RNF213: variants seen among roughly 807,000 people sequenced by gnomAD.
The protein encoded by RNF213 is E3 ubiquitin-protein ligase RNF213.
RNF213 carries 341 observed loss-of-function variants against 514.4 expected under a neutral mutation model. The observed-to-expected ratio is 0.66, with a 90% CI of 0.61 to 0.73. The LOEUF (loss-of-function observed/expected upper bound fraction) is 0.73. RNF213 is among the 30% of genes least tolerant of loss of function. The probability of loss-of-function intolerance (pLI) is 0.00; values close to 1 mark genes in which losing one functional copy is unlikely to be tolerated. For synonymous variants in RNF213, 2,655 were observed against 2,658.2 expected (o/e 1.00, Z 0.04); for missense variants, 5,767 against 6,615.6 (o/e 0.87, Z 4.45).
Position 80,351,811 on chromosome 17 carries a change from C to G in RNF213, c.10303+8C>G. The G allele has an allele frequency of 7.7e-7, 1 of 1,302,806 alleles. No individual in the cohort carries two copies. The highest frequency in any genetic ancestry group is 1.1e-6 in the Non-Finnish European group (1 of 895,926). The allele number at this position is 1,302,806 out of a possible 1,614,324, so 80.7% of individuals were successfully genotyped here. On this transcript the variant is annotated splice_region_variant and intron_variant, in intron 32 of 67. Coordinates refer to ENST00000582970, the MANE Select transcript of RNF213 (RefSeq NM_001256071.3). ...ATGTGGGCTTCCACGGAGGTGAGAT[C>G]AGAACATCAGTCAGGGTATTTATTT...
intron 6 of RNF213, 48 bp downstream of exon 6, chr17:80,289,885 C>A: frequency 1.3e-6 from 2 of 1,540,694 alleles, no homozygotes; most frequent in Non-Finnish European, 8.8e-7. Context: ...CCTGAGAGCC[C>A]GGCACACCCT....
intron 3 of RNF213, among the ~76,000 whole-genome samples, chr17:80,281,057 TCAC>T (rs1290221958): frequency 6.7e-6 from 1 of 150,258 alleles, no homozygotes; most frequent in Non-Finnish European, 1.5e-5. Context: ...CACACTCCAC[TCAC>T]CCCAGTCACA....
In RNF213 at chr17:80,264,172, A is replaced by G. The variant is rs940133663; in HGVS notation, c.97+394A>G. Reference sequence around the variant, plus strand: ...ATTTTCAGTTTCATTTCCTAGAGAGAGCTCACGGTTTTTCTTCCCCTTGGG... The same window carrying G: ...ATTTTCAGTTTCATTTCCTAGAGAGGGCTCACGGTTTTTCTTCCCCTTGGG... On this transcript the variant is annotated intron_variant, in intron 2 of 67. Transcript: ENST00000582970. This position sits in a 1 kb window ranked among gnomAD's most constrained non-coding sequence, Gnocchi z 5.0. 2.0e-5 allele frequency among the ~76,000 whole-genome samples: 3 copies of G among 152,104 alleles called. No individual in the cohort carries two copies. The highest frequency in any genetic ancestry group is 2.9e-5 in the Non-Finnish European group (2 of 68,028).
chr17:80,381,694 C>G lies in RNF213; in HGVS notation c.13945C>G (p.Leu4649Val), dbSNP rs61745599. Residue 4649 changes from leucine to valine, a missense_variant, in exon 57 of 68, where the codon CTT becomes GTT. Leu to Val is a conservative substitution (Grantham distance 32). This residue lies in a region of RNF213 where 1,245 missense variants were observed against 1,339.0 expected (regional missense o/e 0.93). Transcript: ENST00000582970. ...IGVVHLVLRR[L>V]LQEQHQLSSR... ...CGTGGTCCACCTCGTCCTGCGCAGG[C>G]TTCTCCAAGAGCAGCACCAGCTCTC... 0.085 allele frequency: 137,796 copies of G among 1,613,918 alleles called. 6,707 individuals are homozygous for G. The highest frequency in any genetic ancestry group is 0.1 in the Non-Finnish European group (120,298 of 1,179,892).
At chr17:80,269,171 C>G (rs925386068) in intron 2 of RNF213, among the ~76,000 whole-genome samples, 2 of 152,176 alleles carry the variant, frequency 1.3e-5, no homozygotes, top group African/African-American at 4.8e-5. Context: ...TGACTGGATG[C>G]TGCCCACCCA....
At position 80,288,832 on chromosome 17, in the gene RNF213, A is replaced by C. The variant is rs1043672872; in HGVS notation, c.933+77A>C. On this transcript the variant is annotated intron_variant, in intron 5 of 67. Coordinates refer to ENST00000582970, the MANE Select transcript of RNF213 (RefSeq NM_001256071.3). This position sits in a 1 kb window ranked among gnomAD's most constrained non-coding sequence, Gnocchi z 4.9. The stretch of plus-strand genomic sequence containing the variant: ...CTGCGCCTCTTTCATTTAATTATTC[A>C]GCAAATATTTAAGTGCTGGGGATAT... The C allele has an allele frequency of 1.9e-6, 3 of 1,606,960 alleles. No homozygotes were observed. In the African/African-American group the frequency reaches 4.0e-5, roughly 21 times the overall value.
Position 80,367,784 on chromosome 17 carries a change from C to G in RNF213, c.11908C>G (p.Pro3970Ala). 6.2e-7 allele frequency: 1 copy of G among 1,614,236 alleles called. No homozygotes were observed. Among genetic ancestry groups the G allele is most frequent in the South Asian group, 1.1e-5 (1 of 91,092 alleles). The change falls in exon 43 of 68, where the codon CCT becomes GCT. Residue 3970 changes from proline to alanine, a missense_variant. Pro to Ala is a conservative substitution (Grantham distance 27). Transcript: ENST00000582970. ...RENSDVKTHG[P>A]FEAVMRTLCE... Reference sequence around the variant, plus strand: ...GAACTCTGACGTGAAGACGCACGGGCCTTTTGAGGCCGTGATGCGCACTCT... The same window carrying G: ...GAACTCTGACGTGAAGACGCACGGGGCTTTTGAGGCCGTGATGCGCACTCT...
intron 60 of RNF213, 72 bp from the exon 61 acceptor site, chr17:80,385,466 T>TGTA (rs1360630388): frequency 7.7e-7 from 1 of 1,304,616 alleles, no homozygotes; most frequent in Non-Finnish European, 1.1e-6. Flanking sequence ...CGGCAGAGCA[T>TGTA]GTAACTAGGG....
At chr17:80,267,655 C>T (rs1016746621) in intron 2 of RNF213, among the ~76,000 whole-genome samples, 3 of 152,114 alleles carry the variant, frequency 2.0e-5, no homozygotes, top group African/African-American at 7.2e-5. Context: ...CAGAGAAGAT[C>T]TTGAAGCTAG....
intron 11 of RNF213, 27 bp downstream of exon 11, chr17:80,298,545 C>T: frequency 6.2e-7 from 1 of 1,613,408 alleles, no homozygotes; most frequent in Non-Finnish European, 8.5e-7. Context: ...TGCTTATCTA[C>T]ATGAATCTGG....
At chr17:80,330,491 C>T (rs1252608933) in intron 20 of RNF213, among the ~76,000 whole-genome samples, 3 of 152,124 alleles carry the variant, frequency 2.0e-5, no homozygotes, top group Admixed American at 6.5e-5. Context: ...GAGGGAGAAG[C>T]GGGCTGGCGG....
intron 25 of RNF213, among the ~76,000 whole-genome samples, chr17:80,338,233 C>T (rs1008722805): frequency 9.9e-5 from 15 of 152,094 alleles, no homozygotes; most frequent in African/African-American, 3.6e-4. Context: ...TCCCTCCTTA[C>T]GATCCGTAGG....
At position 80,348,277 on chromosome 17, in the gene RNF213, C is replaced by T; in HGVS notation, c.9942C>T (p.Ile3314=). The stretch of plus-strand genomic sequence containing the variant: ...CGGCAGACCTGGAGCGCCACGCCAT[C>T]TTCACAGAGGTGATTGTCTTTCTGC... ...LHTADLERHA[I]FTEITTFSRL... The change falls in exon 29 of 68, where the codon ATC becomes ATT. Residue 3314 remains isoleucine, a synonymous_variant. Coordinates refer to ENST00000582970, the MANE Select transcript of RNF213 (RefSeq NM_001256071.3). 1 of 1,612,752 alleles carries T rather than the reference C, an allele frequency of 6.2e-7. No individual in the cohort carries two copies. Among genetic ancestry groups the T allele is most frequent in the Non-Finnish European group, 8.5e-7 (1 of 1,180,032 alleles).
rs373764161 is a variant in RNF213 at position 80,347,514 on chromosome 17, T to C, written c.9179T>C (p.Phe3060Ser). Residue 3060 changes from phenylalanine (F) to serine (S), a missense_variant, in exon 29 of 68, where the codon TTC becomes TCC. Around this residue, in one of 13 missense-constraint regions of RNF213, gnomAD observed 919 missense variants for 1,121.0 expected, o/e 0.82. Coordinates refer to ENST00000582970, the MANE Select transcript of RNF213 (RefSeq NM_001256071.3). The surrounding 1 kb of genome is among the most constrained non-coding windows in gnomAD (Gnocchi z 7.2). ...VALQILQQTF[F>S]EGDQQPEIIF... ...CTGCAGATCCTGCAGCAGACATTCTTCGAGGGGGACCAGCAGCCGGAGATT... is the reference window on the plus strand; with the variant it reads ...CTGCAGATCCTGCAGCAGACATTCTCCGAGGGGGACCAGCAGCCGGAGATT... 4.1e-5 allele frequency: 66 copies of C among 1,614,002 alleles called. No individual in the cohort carries two copies. Among genetic ancestry groups the C allele is most frequent in the Non-Finnish European group, 5.4e-5 (64 of 1,180,050 alleles).
At chr17:80,273,435 C>A in intron 3 of RNF213, 31 bp downstream of exon 3, 2 of 1,609,570 alleles carry the variant, frequency 1.2e-6, no homozygotes, top group East Asian at 4.5e-5. Context: ...CCCCTCCGCC[C>A]CCGCTCACTC....
chr17:80,352,673 AT>A (rs2078570101), intron 32 of RNF213: 1 of 624,040 alleles, frequency 1.6e-6, no homozygotes, highest in South Asian at 1.8e-5. Context: ...CACAGGCCTT[AT>A]CCATGCGTCC....
intron 15 of RNF213, chr17:80,316,275 ATTT>A (rs1163474813): frequency 6.6e-6 from 1 of 151,988 alleles, no homozygotes; most frequent in Non-Finnish European, 1.5e-5. Context: ...TTTACAGTGC[ATTT>A]TCATGTGTTT....
At chr17:80,367,633 C>A (rs2079330210) in intron 42 of RNF213, 115 bp from the exon 43 acceptor site, 2 of 769,080 alleles carry the variant, frequency 2.6e-6, no homozygotes, top group South Asian at 1.4e-5. Flanking sequence ...TCGCACCCCA[C>A]ACCCCACACA....
intron 1 of RNF213, among the ~76,000 whole-genome samples, chr17:80,261,337 A>C (rs2043410873): frequency 6.6e-6 from 1 of 152,202 alleles, no homozygotes; most frequent in Non-Finnish European, 1.5e-5. Flanking sequence ...AGTTGCAAAA[A>C]CAGACTCCTA....
Sources: gnomAD v4.1 joint callset for allele counts (sites outside exome capture counted in the v4.1 genomes callset) on GRCh38, gnomAD v4.1.1 for gene constraint, gnomAD v4.1.1 regional missense constraint, Gnocchi (gnomAD v3.1) non-coding constraint, MANE v1.5 for transcripts, NCBI Gene and HGNC (gene_info 2026-07-23, HGNC 2026-07-21) for gene names.